The following MYO9A variants were observed in gnomAD, a reference collection of about 807,000 sequenced individuals.
MYO9A encodes the protein unconventional myosin-IXa.
Under a neutral mutation model 293.3 loss-of-function variants are expected in MYO9A, and 103 were observed. That is an observed-to-expected ratio of 0.35 (90% CI 0.30 to 0.41). The LOEUF is 0.41. Among genes scored for constraint, MYO9A ranks in the 10% least tolerant of loss-of-function variants. The pLI is 1.00. For synonymous variants in MYO9A, 1,001 were observed against 1,035.7 expected (o/e 0.97, Z 0.64); for missense variants, 2,685 against 3,033.0 (o/e 0.89, Z 2.69).
intron 12 of MYO9A, among the ~76,000 whole-genome samples, chr15:71,971,264 G>A (rs1214579534): frequency 1.3e-5 from 2 of 152,014 alleles, no homozygotes; most frequent in African/African-American, 4.8e-5. Flanking sequence ...ATAATAAGAT[G>A]TGCATTCAAT....
At chr15:71,992,381 A>C (rs1034028379) in intron 10 of MYO9A, among the ~76,000 whole-genome samples, 1 of 152,230 alleles carries the variant, frequency 6.6e-6, no homozygotes, top group African/African-American at 2.4e-5. Context: ...GGTTAAATGA[A>C]AATAATTTTT....
Position 71,944,391 on chromosome 15 carries a change from T to C in MYO9A, c.2303-5464A>G, listed in dbSNP as rs535160196. Among the ~76,000 whole-genome samples, 6 of 152,304 alleles carry C rather than the reference T, an allele frequency of 3.9e-5. No homozygotes were observed. The South Asian group carries it at 8.3e-4, about 21-fold the overall frequency. On this transcript the variant is annotated intron_variant, in intron 15 of 41. Transcript: ENST00000356056. ...ATTTTTTCCTTTTATATTCATGCTC[T>C]TATGTCTCATCTAAGAAACTTTTGC...
chr15:71,944,116 C>T (rs1447804708), intron 15 of MYO9A, among the ~76,000 whole-genome samples: 4 of 152,018 alleles, frequency 2.6e-5, no homozygotes, highest in East Asian at 1.9e-4. Flanking sequence ...AAAAGTTGAA[C>T]ATCTTTCATG....
intron 32 of MYO9A, among the ~76,000 whole-genome samples, chr15:71,867,595 TAAA>T (rs765961606): frequency 4.0e-5 from 5 of 125,354 alleles, no homozygotes; most frequent in African/African-American, 3.0e-5. Flanking sequence ...AGACTGCAGT[TAAA>T]AAAAAAAAAA....
At chr15:71,973,171 T>C (rs2076056542) in intron 12 of MYO9A, among the ~76,000 whole-genome samples, 1 of 152,080 alleles carries the variant, frequency 6.6e-6, no homozygotes, top group African/African-American at 2.4e-5. Context: ...AAAGTACCTC[T>C]GAGACATGTG....
intron 39 of MYO9A, among the ~76,000 whole-genome samples, chr15:71,845,095 C>CA (rs1286798163): frequency 6.6e-6 from 1 of 152,108 alleles, no homozygotes; most frequent in African/African-American, 2.4e-5. Context: ...TGTTAAGTCA[C>CA]AAAAATAGGA....
At chr15:72,081,519 T>C (rs1444111259) in intron 1 of MYO9A, among the ~76,000 whole-genome samples, 1 of 152,120 alleles carries the variant, frequency 6.6e-6, no homozygotes, top group Non-Finnish European at 1.5e-5. Flanking sequence ...CTGTTAATAG[T>C]TTCTTTTGCT....
intron 14 of MYO9A, chr15:71,958,965 T>C (rs1438679912): frequency 6.6e-6 from 1 of 152,340 alleles, no homozygotes; most frequent in East Asian, 1.9e-4. Flanking sequence ...CTTACTCAAT[T>C]ATGTCTTAGC....
intron 1 of MYO9A, among the ~76,000 whole-genome samples, chr15:72,098,019 G>A (rs1399525688): frequency 1.3e-5 from 2 of 152,092 alleles, no homozygotes; most frequent in African/African-American, 4.8e-5. Context: ...CTAGAAATCA[G>A]TATAAAAAAG....
chr15:72,059,080 A>G (rs2078804735), intron 1 of MYO9A, among the ~76,000 whole-genome samples: 1 of 152,214 alleles, frequency 6.6e-6, no homozygotes, highest in African/African-American at 2.4e-5. Flanking sequence ...CAACATATAT[A>G]GTCAAGTTAC....
intron 3 of MYO9A, among the ~76,000 whole-genome samples, chr15:72,028,687 C>A (rs2077763556): frequency 8.9e-6 from 1 of 111,998 alleles, no homozygotes; most frequent in Admixed American, 1.0e-4. Flanking sequence ...TACACAAGAT[C>A]CCTGAAGAAA....
At chr15:72,052,533 G>A (rs948488888) in intron 1 of MYO9A, among the ~76,000 whole-genome samples, 3 of 152,208 alleles carry the variant, frequency 2.0e-5, no homozygotes, top group Admixed American at 2.0e-4. Context: ...GTAGGCAACA[G>A]AAGGAGAGAA....
chr15:71,859,430 T>G (rs893019768), intron 34 of MYO9A, among the ~76,000 whole-genome samples: 3 of 152,222 alleles, frequency 2.0e-5, no homozygotes, highest in African/African-American at 7.2e-5. Context: ...AGAAGATTTA[T>G]GAGCATTTAA....
chr15:71,881,312 T>C (rs1487812498), intron 28 of MYO9A, among the ~76,000 whole-genome samples: 1 of 152,072 alleles, frequency 6.6e-6, no homozygotes, highest in Non-Finnish European at 1.5e-5. Context: ...TTACCTCCTC[T>C]CATTTCACAT....
intron 11 of MYO9A, among the ~76,000 whole-genome samples, chr15:71,982,008 T>A (rs1476314816): frequency 3.1e-4 from 7 of 22,502 alleles, no homozygotes; most frequent in Non-Finnish European, 1.4e-3. Flanking sequence ...ATTTAGAATT[T>A]TTTTTTTTTT....
At chr15:72,098,611 G>T (rs879863913) in intron 1 of MYO9A, among the ~76,000 whole-genome samples, 1 of 152,094 alleles carries the variant, frequency 6.6e-6, no homozygotes, top group Non-Finnish European at 1.5e-5. Context: ...AAAAAAATTA[G>T]AGAGCTATCT....
intron 8 of MYO9A, among the ~76,000 whole-genome samples, chr15:72,005,912 G>A (rs2077002686): frequency 6.6e-6 from 1 of 152,112 alleles, no homozygotes; most frequent in South Asian, 2.1e-4. Flanking sequence ...TTTGGAAGAT[G>A]AATAATATTT....
chr15:72,032,122 G>A lies in MYO9A; in HGVS notation c.935+372C>T, dbSNP rs191144023. 6.6e-5 allele frequency among the ~76,000 whole-genome samples: 10 copies of A among 152,190 alleles called. No homozygotes were observed. In the East Asian group the frequency reaches 1.9e-3, roughly 29 times the overall value. ...TGGGTTTTCACTATATGTTGGTCAG[G>A]CTGGTCTCCAACTCCTGACCTCAGG... On this transcript the variant is annotated intron_variant, in intron 3 of 41. Coordinates refer to ENST00000356056, the MANE Select transcript of MYO9A (RefSeq NM_006901.4).
chr15:71,994,147 T>C (rs2076627269), intron 10 of MYO9A, among the ~76,000 whole-genome samples: 1 of 152,062 alleles, frequency 6.6e-6, no homozygotes, highest in South Asian at 2.1e-4. Flanking sequence ...GGTCCAGATA[T>C]ATAATGAGAC....
Sources: allele counts gnomAD v4.1 joint callset (sites outside exome capture counted in the v4.1 genomes callset), GRCh38; gene constraint gnomAD v4.1.1; transcripts MANE v1.5; gene names NCBI Gene and HGNC (gene_info 2026-07-23, HGNC 2026-07-21).